SAP130: variants seen among roughly 807,000 people sequenced by gnomAD.
SAP130 encodes Sin3A associated protein 130, also known as histone deacetylase complex subunit SAP130.
Under a neutral mutation model 103.2 loss-of-function variants are expected in SAP130, and 16 were observed. The observed-to-expected ratio is 0.16, with a 90% CI of 0.10 to 0.24. SAP130 has a LOEUF of 0.24. SAP130 is among the 10% of genes least tolerant of loss of function. The pLI is 1.00. For missense variants in SAP130, 990 were observed against 1,359.7 expected, an observed-to-expected ratio of 0.73 and a Z score of 4.28; for synonymous variants, 477 against 497.0, an observed-to-expected ratio of 0.96 and a Z score of 0.53.
chr2:128,000,730 T>C (rs1683497182), intron 7 of SAP130, among the ~76,000 whole-genome samples: 2 of 152,128 alleles, frequency 1.3e-5, no homozygotes, highest in African/African-American at 4.8e-5. Flanking sequence ...TGAGTTAATA[T>C]CATTATAATA....
chr2:127,982,721 G>A (rs1461415583), intron 14 of SAP130, among the ~76,000 whole-genome samples: 1 of 152,192 alleles, frequency 6.6e-6, no homozygotes, highest in Non-Finnish European at 1.5e-5. Flanking sequence ...GAAGCAGAAA[G>A]TTGGATTTAA....
chr2:127,978,364 C>T (rs1272580869), intron 14 of SAP130, among the ~76,000 whole-genome samples: 2 of 152,174 alleles, frequency 1.3e-5, no homozygotes, highest in Non-Finnish European at 2.9e-5. Flanking sequence ...ACCATTGTGA[C>T]TCTTTTAGCC....
At chr2:128,026,383 G>T in intron 1 of SAP130, 85 bp from the exon 2 acceptor site, 5 of 901,198 alleles carry the variant, frequency 5.5e-6, no homozygotes, top group Non-Finnish European at 8.9e-6. Flanking sequence ...TAGTACCTAT[G>T]AGATAGTCCC....
chr2:127,993,407 T>C (rs1450538004), intron 11 of SAP130, 99 bp from the exon 12 acceptor site: 1 of 1,287,276 alleles, frequency 7.8e-7, no homozygotes, highest in East Asian at 2.6e-5. Context: ...TTCAGAACTG[T>C]CAAACAAGCT....
At chr2:127,965,040 T>C (rs1431726445) in intron 15 of SAP130, among the ~76,000 whole-genome samples, 1 of 147,676 alleles carries the variant, frequency 6.8e-6, no homozygotes, top group African/African-American at 2.5e-5. Context: ...CTCATGCCTG[T>C]AATCCCAGCC....
chr2:127,999,371 G>A (rs1683386138), intron 10 of SAP130, among the ~76,000 whole-genome samples: 1 of 152,236 alleles, frequency 6.6e-6, no homozygotes, highest in Admixed American at 6.5e-5. Flanking sequence ...CAGCACTTTG[G>A]GAGGCCGAGG....
In SAP130 at chr2:127,996,192, A is replaced by AT. The variant is rs1240419624; in HGVS notation, c.1355+157dup. Among the ~76,000 whole-genome samples, 1 of 152,228 alleles carries AT rather than the reference A, an allele frequency of 6.6e-6. No individual in the cohort carries two copies. Among genetic ancestry groups the AT allele is most frequent in the Non-Finnish European group, 1.5e-5 (1 of 68,032 alleles). The stretch of plus-strand genomic sequence containing the variant: ...GAGACTGGCTTGAAAAAAATCGCAC[A>AT]TAAAAAAAGGAATTATACGAAGTGT... On this transcript the variant is annotated intron_variant, in intron 11 of 20. Transcript: ENST00000643581. This position sits in a 1 kb window ranked among gnomAD's most constrained non-coding sequence, Gnocchi z 4.3.
chr2:127,950,107 G>A, intron 17 of SAP130, 53 bp downstream of exon 17: 1 of 1,611,214 alleles, frequency 6.2e-7, no homozygotes, highest in Non-Finnish European at 8.5e-7. Context: ...CTCTGGGTTG[G>A]ACTCTGACTT....
chr2:127,976,343 C>CT (rs1681458941), intron 15 of SAP130, among the ~76,000 whole-genome samples: 1 of 152,170 alleles, frequency 6.6e-6, no homozygotes, highest in Non-Finnish European at 1.5e-5. Flanking sequence ...ATTCCCTTTA[C>CT]TCTGTCTCCC....
At position 127,942,356 on chromosome 2, in the gene SAP130, A is replaced by C. The variant is rs1463299090; in HGVS notation, c.3015+68T>G. The C allele has an allele frequency of 5.0e-6, 6 of 1,203,288 alleles. No individual in the cohort carries two copies. Among genetic ancestry groups the C allele is most frequent in the South Asian group, 1.2e-5 (1 of 81,052 alleles). 74.5% of individuals were successfully genotyped at this position (1,203,288 alleles called of 1,614,324 possible). ...TATGAGGGAGACGGGGGGAAACGGG[A>C]GAAGTAGGGCTTTACAGAAAGCAAC... On this transcript the variant is annotated intron_variant, in intron 20 of 20. Coordinates refer to ENST00000643581, the MANE Select transcript of SAP130 (RefSeq NM_001330301.2). This position sits in a 1 kb window ranked among gnomAD's most constrained non-coding sequence, Gnocchi z 4.8.
chr2:128,010,402 A>G lies in SAP130; in HGVS notation c.745-9T>C, dbSNP rs1452548199. 1.2e-6 allele frequency: 2 copies of G among 1,606,150 alleles called. No homozygotes were observed. Among genetic ancestry groups the G allele is most frequent in the Non-Finnish European group, 1.7e-6 (2 of 1,176,958 alleles). ...GTCACAGGTGGCCGAGACTACCAAA[A>G]GAGAAAAAACAGTTCATTTAAAACA... On this transcript the variant is annotated splice_polypyrimidine_tract_variant and intron_variant, in intron 6 of 20. Transcript: ENST00000643581.
intron 16 of SAP130, among the ~76,000 whole-genome samples, chr2:127,954,500 T>C (rs1488236401): frequency 1.3e-5 from 2 of 151,374 alleles, no homozygotes; most frequent in African/African-American, 4.9e-5. Flanking sequence ...AAACCGGAAG[T>C]TTGGAGTTAA....
intron 11 of SAP130, among the ~76,000 whole-genome samples, chr2:127,995,425 A>G (rs1683104821): frequency 6.6e-6 from 1 of 152,244 alleles, no homozygotes. Context: ...TGTGAGCACC[A>G]AAATAGATGA....
intron 14 of SAP130, among the ~76,000 whole-genome samples, chr2:127,983,809 T>A (rs1044960795): frequency 4.0e-5 from 6 of 150,410 alleles, no homozygotes; most frequent in African/African-American, 1.2e-4. Context: ...TTGGTAATTT[T>A]CTATTACTTT....
chr2:127,971,689 T>C (rs1245207554), intron 15 of SAP130, among the ~76,000 whole-genome samples: 2 of 152,230 alleles, frequency 1.3e-5, no homozygotes, highest in Non-Finnish European at 2.9e-5. Context: ...CTGAGTCCTG[T>C]CAAGTCCTGT....
At chr2:127,999,111 A>T (rs990508734) in intron 10 of SAP130, among the ~76,000 whole-genome samples, 1 of 152,204 alleles carries the variant, frequency 6.6e-6, no homozygotes, top group Non-Finnish European at 1.5e-5. Context: ...AAAAGACCCA[A>T]TAGTAGCACC....
chr2:127,963,601 C>T lies in SAP130; in HGVS notation c.2064-8257G>A, dbSNP rs532776449. Among the ~76,000 whole-genome samples the T allele has an allele frequency of 2.0e-5, 3 of 152,226 alleles. No individual in the cohort carries two copies. The South Asian group carries it at 6.2e-4, about 32-fold the overall frequency. Reference sequence around the variant, plus strand: ...TGAGTCATAATGTGTTATGGTTTGGCTCTGTGTCCCCACACAAATCTCATC... The same window carrying T: ...TGAGTCATAATGTGTTATGGTTTGGTTCTGTGTCCCCACACAAATCTCATC... On this transcript the variant is annotated intron_variant, in intron 15 of 20. Transcript: ENST00000643581.
intron 14 of SAP130, among the ~76,000 whole-genome samples, chr2:127,981,684 C>T (rs58382235): frequency 2.1e-5 from 1 of 47,582 alleles, no homozygotes; most frequent in Non-Finnish European, 4.5e-5. Flanking sequence ...CCTGCACCCC[C>T]GACTCAGCTC....
chr2:127,945,385 T>C, intron 19 of SAP130, 71 bp downstream of exon 19: 6 of 926,632 alleles, frequency 6.5e-6, no homozygotes, highest in South Asian at 4.0e-5. Context: ...TAAAAAGTTC[T>C]ATGAACTCAG....
Sources: gnomAD v4.1 joint callset for allele counts (sites outside exome capture counted in the v4.1 genomes callset) on GRCh38, gnomAD v4.1.1 for gene constraint, Gnocchi (gnomAD v3.1) non-coding constraint, MANE v1.5 for transcripts, NCBI Gene and HGNC (gene_info 2026-07-23, HGNC 2026-07-21) for gene names.